The following SCFD2 variants were observed in gnomAD, a reference collection of about 807,000 sequenced individuals.
The protein encoded by SCFD2 is sec1 family domain-containing protein 2.
SCFD2 carries 54 observed loss-of-function variants against 58.9 expected under a neutral mutation model. The ratio of observed to expected loss-of-function variants is 0.92; its 90% CI spans 0.74 to 1.15. The LOEUF is 1.15. SCFD2 is among the 50% of genes most tolerant of loss of function. SCFD2 has a pLI of 0.00. For missense variants in SCFD2, 805 were observed against 836.6 expected, an observed-to-expected ratio of 0.96 and a Z score of 0.47; for synonymous variants, 321 against 335.9, an observed-to-expected ratio of 0.96 and a Z score of 0.49.
intron 5 of SCFD2, among the ~76,000 whole-genome samples, chr4:53,006,700 G>A (rs1560507804): frequency 6.6e-6 from 1 of 152,190 alleles, no homozygotes; most frequent in Non-Finnish European, 1.5e-5. Flanking sequence ...TAATCTAGCT[G>A]GGGAAACAGA....
intron 7 of SCFD2, among the ~76,000 whole-genome samples, chr4:52,896,402 C>T (rs1719013853): frequency 6.6e-6 from 1 of 152,170 alleles, no homozygotes; most frequent in Non-Finnish European, 1.5e-5. Context: ...TTCCCAGCAC[C>T]ATTTATTAAA....
At chr4:52,943,000 T>C (rs1340894919) in intron 5 of SCFD2, among the ~76,000 whole-genome samples, 1 of 150,952 alleles carries the variant, frequency 6.6e-6, no homozygotes, top group African/African-American at 2.4e-5. Flanking sequence ...TGAATTTGAC[T>C]TTACCTTGAT....
At chr4:52,958,600 C>T (rs966746968) in intron 5 of SCFD2, among the ~76,000 whole-genome samples, 1 of 152,150 alleles carries the variant, frequency 6.6e-6, no homozygotes, top group Admixed American at 6.5e-5. Flanking sequence ...ACAGATCTCA[C>T]AGCCACCATA....
intron 5 of SCFD2, among the ~76,000 whole-genome samples, chr4:53,027,952 G>A (rs1722519079): frequency 6.6e-6 from 1 of 151,078 alleles, no homozygotes; most frequent in Non-Finnish European, 1.5e-5. Flanking sequence ...AAAGTTTTAA[G>A]AAAAATATAT....
rs9917926 is a variant in SCFD2, at chr4:53,095,530, C to T, written c.1561+49803G>A. On this transcript the variant is annotated intron_variant, in intron 5 of 8. Transcript: ENST00000401642. ...GCCTCCTAACAAGAGTCCATGCTCC[C>T]AGTCTTACTCCCCTCTTCAGTATCT... Among the ~76,000 whole-genome samples, 548 of 152,232 alleles carry T rather than the reference C, an allele frequency of 3.6e-3. 3 individuals carry two copies. The highest frequency in any genetic ancestry group is 0.013 in the African/African-American group (522 of 41,554).
intron 2 of SCFD2, among the ~76,000 whole-genome samples, chr4:53,319,154 G>C (rs1433069371): frequency 6.6e-6 from 1 of 152,064 alleles, no homozygotes; most frequent in Non-Finnish European, 1.5e-5. Context: ...TCACACATGG[G>C]TCCCACAAAG....
intron 5 of SCFD2, among the ~76,000 whole-genome samples, chr4:53,134,046 C>A (rs921296253): frequency 2.0e-5 from 3 of 152,040 alleles, no homozygotes; most frequent in Admixed American, 6.5e-5. Flanking sequence ...CATGGATGAA[C>A]CTTGAGGACA....
intron 1 of SCFD2, 32 bp from the exon 2 acceptor site, chr4:53,352,798 T>C: frequency 6.3e-7 from 1 of 1,580,900 alleles, no homozygotes; most frequent in East Asian, 2.3e-5. Flanking sequence ...TGTAAATTCA[T>C]AAAATGGGAG....
chr4:53,133,982 A>C (rs1337411378), intron 5 of SCFD2, among the ~76,000 whole-genome samples: 1 of 152,202 alleles, frequency 6.6e-6, no homozygotes, highest in Non-Finnish European at 1.5e-5. Flanking sequence ...TCTTTGAAAA[A>C]ATGGACTATT....
At chr4:53,183,664 TAA>T (rs11353763) in intron 4 of SCFD2, among the ~76,000 whole-genome samples, 5 of 148,484 alleles carry the variant, frequency 3.4e-5, no homozygotes, top group Non-Finnish European at 4.5e-5. Flanking sequence ...ATAATAAAAT[TAA>T]AAAAAAAAAG....
intron 2 of SCFD2, among the ~76,000 whole-genome samples, chr4:53,336,399 C>A (rs1385215289): frequency 6.6e-6 from 1 of 152,136 alleles, no homozygotes; most frequent in Non-Finnish European, 1.5e-5. Flanking sequence ...AAGATAAATT[C>A]TGTAATCAGA....
intron 5 of SCFD2, chr4:52,948,684 G>C (rs1194645070): frequency 2.7e-6 from 1 of 370,362 alleles, no homozygotes; most frequent in Non-Finnish European, 5.5e-6. Flanking sequence ...TAACTCTGGA[G>C]GATGCAGCCA....
At chr4:53,289,221 C>T (rs1731762666) in intron 3 of SCFD2, among the ~76,000 whole-genome samples, 1 of 151,992 alleles carries the variant, frequency 6.6e-6, no homozygotes, top group African/African-American at 2.4e-5. Context: ...AAAAACTTAG[C>T]CAGGCATGGT....
intron 7 of SCFD2, among the ~76,000 whole-genome samples, chr4:52,888,218 T>C (rs1247927113): frequency 6.6e-6 from 1 of 152,156 alleles, no homozygotes; most frequent in Non-Finnish European, 1.5e-5. Flanking sequence ...GCATTAAGTA[T>C]TCCAAGTTAT....
chr4:53,283,508 T>C (rs1731569340), intron 3 of SCFD2, among the ~76,000 whole-genome samples: 1 of 152,172 alleles, frequency 6.6e-6, no homozygotes, highest in Admixed American at 6.5e-5. Context: ...GAGTACTAGT[T>C]TTACTTGATA....
Position 53,230,225 on chromosome 4 carries a change from G to C in SCFD2, c.1311+43601C>G, listed in dbSNP as rs1409217637. Reference sequence around the variant, plus strand: ...GGAAGTCAGTGTGGCGATTCCTCAGGGATCTAGAACTAGAAATACCATTTG... The same window carrying C: ...GGAAGTCAGTGTGGCGATTCCTCAGCGATCTAGAACTAGAAATACCATTTG... On this transcript the variant is annotated intron_variant, in intron 4 of 8. Transcript: ENST00000401642. Among the ~76,000 whole-genome samples, 6 of 152,238 alleles carry C rather than the reference G, an allele frequency of 3.9e-5. No homozygotes were observed. The East Asian group carries it at 1.2e-3, about 29-fold the overall frequency.
chr4:53,186,703 C>T (rs1727746718), intron 4 of SCFD2, among the ~76,000 whole-genome samples: 1 of 151,852 alleles, frequency 6.6e-6, no homozygotes, highest in African/African-American at 2.4e-5. Context: ...GTTACAAAAT[C>T]TTTAGAGGTA....
intron 5 of SCFD2, among the ~76,000 whole-genome samples, chr4:53,133,326 TCAAAA>T (rs1725847665): frequency 5.2e-5 from 1 of 19,270 alleles, no homozygotes; most frequent in East Asian, 1.4e-3. Context: ...AGACTCCGTC[TCAAAA>T]AAAAAAAAAA....
At chr4:53,253,657 CAT>C (rs547514579) in intron 4 of SCFD2, among the ~76,000 whole-genome samples, 96 of 145,804 alleles carry the variant, frequency 6.6e-4, no homozygotes, top group African/African-American at 2.3e-3. Context: ...CCAAACACCA[CAT>C]GTTTTCACTC....
Sources: gnomAD v4.1 joint callset for allele counts (sites outside exome capture counted in the v4.1 genomes callset) on GRCh38, gnomAD v4.1.1 for gene constraint, MANE v1.5 for transcripts, NCBI Gene and HGNC (gene_info 2026-07-23, HGNC 2026-07-21) for gene names.